DGKB: variants seen among roughly 807,000 people sequenced by gnomAD.
The protein encoded by DGKB is 90 kDa diacylglycerol kinase.
DGKB carries 67 observed loss-of-function variants against 114.3 expected under a neutral mutation model. The ratio of observed to expected loss-of-function variants is 0.59; its 90% confidence interval spans 0.48 to 0.72. DGKB has a LOEUF of 0.72. Among genes scored for constraint, DGKB ranks in the 30% least tolerant of loss-of-function variants. The pLI is 0.00. For missense variants in DGKB, 907 were observed against 975.2 expected, an observed-to-expected ratio of 0.93 and a Z score of 0.93; for synonymous variants, 398 against 323.1, an observed-to-expected ratio of 1.23 and a Z score of -2.49.
chr7:14,256,489 A>G (rs1457589893), intron 23 of DGKB, among the ~76,000 whole-genome samples: 1 of 150,584 alleles, frequency 6.6e-6, no homozygotes, highest in African/African-American at 2.4e-5. Flanking sequence ...TTTCATTTTG[A>G]TAGTTTAGAA....
chr7:14,497,911 T>C (rs192603817), intron 20 of DGKB, among the ~76,000 whole-genome samples: 1 of 151,860 alleles, frequency 6.6e-6, no homozygotes, highest in Non-Finnish European at 1.5e-5. Flanking sequence ...GTGACACTCA[T>C]GGAAGGACAG....
intron 2 of DGKB, among the ~76,000 whole-genome samples, chr7:14,778,283 T>C (rs1377986878): frequency 6.6e-6 from 1 of 152,204 alleles, no homozygotes; most frequent in East Asian, 1.9e-4. Flanking sequence ...CTCAAGGCTT[T>C]TCCAGTTCTA....
At position 14,794,504 on chromosome 7, in the gene DGKB, T is replaced by C. The variant is rs73068691; in HGVS notation, c.71-36773A>G. On this transcript the variant is annotated intron_variant, in intron 2 of 25. Coordinates refer to ENST00000402815, the MANE Select transcript of DGKB (RefSeq NM_001350709.2). ...GTTGTTCCTGATGTTGCTGATCAAG[T>C]GGTAAAAGAAAAACATAAGCTAAGG... Among the ~76,000 whole-genome samples the C allele has an allele frequency of 1.5e-3, 232 of 152,204 alleles. 1 individual carries two copies. The Middle Eastern group carries it at 0.02, about 13-fold the overall frequency.
At chr7:14,189,051 A>C (rs1267006322) in intron 23 of DGKB, among the ~76,000 whole-genome samples, 4 of 152,218 alleles carry the variant, frequency 2.6e-5, no homozygotes, top group African/African-American at 4.8e-5. Context: ...CTACAAATGG[A>C]AACAAAAGGA....
intron 25 of DGKB, among the ~76,000 whole-genome samples, chr7:14,155,887 G>A (rs2128218815): frequency 6.6e-6 from 1 of 152,204 alleles, no homozygotes; most frequent in Non-Finnish European, 1.5e-5. Context: ...TTGGGTCTGT[G>A]CATGTGGTGT....
intron 23 of DGKB, among the ~76,000 whole-genome samples, chr7:14,335,544 G>A (rs183654464): frequency 7.9e-5 from 12 of 152,144 alleles, no homozygotes; most frequent in South Asian, 4.1e-4. Flanking sequence ...AGAAAATTAC[G>A]TTAAGTTTTT....
chr7:14,832,106 G>C (rs1186686318), intron 2 of DGKB, among the ~76,000 whole-genome samples: 2 of 151,600 alleles, frequency 1.3e-5, no homozygotes, highest in Admixed American at 6.6e-5. Context: ...ATTTTATTTG[G>C]GTCTTATAAC....
At chr7:14,275,672 T>C (rs1798889276) in intron 23 of DGKB, among the ~76,000 whole-genome samples, 2 of 152,192 alleles carry the variant, frequency 1.3e-5, no homozygotes, top group Admixed American at 1.3e-4. Flanking sequence ...CTGAAACAAA[T>C]ACTGTCTTTA....
intron 20 of DGKB, among the ~76,000 whole-genome samples, chr7:14,535,378 G>GAAAAAAAAA (rs111762380): frequency 1.6e-5 from 2 of 123,556 alleles, no homozygotes; most frequent in African/African-American, 2.9e-5. Context: ...CTTAAAAAAA[G>GAAAAAAAAA]AAAAAAAAAA....
chr7:14,809,707 A>G (rs2128075127), intron 2 of DGKB, among the ~76,000 whole-genome samples: 1 of 152,278 alleles, frequency 6.6e-6, no homozygotes, highest in African/African-American at 2.4e-5. Context: ...TCAAATGTGT[A>G]TAATAATTCA....
chr7:14,780,752 A>C (rs1838964143), intron 2 of DGKB, among the ~76,000 whole-genome samples: 1 of 152,138 alleles, frequency 6.6e-6, no homozygotes, highest in African/African-American at 2.4e-5. Flanking sequence ...CCAGGGTTTT[A>C]TATTTAGATA....
chr7:14,822,537 C>A (rs1845088558), intron 2 of DGKB, among the ~76,000 whole-genome samples: 1 of 152,042 alleles, frequency 6.6e-6, no homozygotes, highest in African/African-American at 2.4e-5. Flanking sequence ...ACCATTAGAA[C>A]CTTAGCCTTA....
intron 13 of DGKB, among the ~76,000 whole-genome samples, chr7:14,660,540 G>C (rs1413938228): frequency 9.2e-5 from 14 of 151,984 alleles, no homozygotes; most frequent in Non-Finnish European, 1.8e-4. Context: ...ATGGTAGTTT[G>C]TATTTCTGTG....
intron 15 of DGKB, among the ~76,000 whole-genome samples, chr7:14,615,239 C>T (rs1321442174): frequency 6.6e-6 from 1 of 151,844 alleles, no homozygotes; most frequent in Non-Finnish European, 1.5e-5. Flanking sequence ...TAACTCTGAA[C>T]CCAAATACTC....
chr7:14,763,661 T>G (rs776387135), intron 2 of DGKB, among the ~76,000 whole-genome samples: 1 of 152,174 alleles, frequency 6.6e-6, no homozygotes, highest in South Asian at 2.1e-4. Flanking sequence ...GAATGTACAG[T>G]AGTGATTCAA....
chr7:14,425,631 T>A (rs1563158106), intron 21 of DGKB, among the ~76,000 whole-genome samples: 1 of 152,172 alleles, frequency 6.6e-6, no homozygotes, highest in African/African-American at 2.4e-5. Context: ...GAAATAGAGC[T>A]TGATTACAAG....
chr7:14,221,341 G>A lies in DGKB; in HGVS notation c.2123-43190C>T, dbSNP rs184660975. Among the ~76,000 whole-genome samples, 38 of 151,278 alleles carry A rather than the reference G, an allele frequency of 2.5e-4. 1 individual carries two copies. The highest frequency in any genetic ancestry group is 2.4e-3 in the Admixed American group (37 of 15,154). On this transcript the variant is annotated intron_variant, in intron 23 of 25. Coordinates refer to ENST00000402815, the MANE Select transcript of DGKB (RefSeq NM_001350709.2). ...ACATAGAAGCCCTTTATCAGGTTGA[G>A]TACTCTCTATTTCTAGTTTGTTGAA...
intron 1 of DGKB, among the ~76,000 whole-genome samples, chr7:14,868,758 C>T (rs139861684): frequency 5.3e-4 from 80 of 152,106 alleles, no homozygotes; most frequent in African/African-American, 1.8e-3. Context: ...GTAAATTTTC[C>T]TTCTTAACTA....
At chr7:14,805,874 C>T (rs4719420) in intron 2 of DGKB, among the ~76,000 whole-genome samples, 9,754 of 150,236 alleles carry the variant, frequency 0.065, 473 homozygotes, top group African/African-American at 0.12. Flanking sequence ...AGTATATTTC[C>T]TTTAATTAAA....
Sources: allele counts gnomAD v4.1 joint callset (sites outside exome capture counted in the v4.1 genomes callset), GRCh38; gene constraint gnomAD v4.1.1; transcripts MANE v1.5; gene names NCBI Gene and HGNC (gene_info 2026-07-23, HGNC 2026-07-21).